SKAP1: variants seen among roughly 807,000 people sequenced by gnomAD.
The protein encoded by SKAP1 is src kinase associated phosphoprotein 1, also known as src kinase-associated phosphoprotein 1.
In SKAP1, 44 loss-of-function variants were observed where a neutral mutation model predicts 58.5. That is an observed-to-expected ratio of 0.75 (90% CI 0.59 to 0.97). The LOEUF is 0.97. Ranked by LOEUF, SKAP1 falls within the 50% of genes least tolerant of loss-of-function variation. The pLI is 0.00. For missense variants in SKAP1, 390 were observed against 435.2 expected (o/e 0.90, Z 0.92); for synonymous variants, 127 against 149.7 (o/e 0.85, Z 1.11).
intron 2 of SKAP1, among the ~76,000 whole-genome samples, chr17:48,393,516 C>CA (rs1373832509): frequency 1.3e-5 from 2 of 152,040 alleles, no homozygotes; most frequent in African/African-American, 4.8e-5. Context: ...CAAAAAATAG[C>CA]AAAAAGCACA....
At chr17:48,280,735 T>A (rs946938047) in intron 4 of SKAP1, among the ~76,000 whole-genome samples, 1 of 152,198 alleles carries the variant, frequency 6.6e-6, no homozygotes, top group African/African-American at 2.4e-5. Context: ...AGCTTTGACT[T>A]TTTAGGGATG....
chr17:48,347,296 C>G lies in SKAP1; in HGVS notation c.179-1290G>C, dbSNP rs1441102428. Among the ~76,000 whole-genome samples the G allele has an allele frequency of 2.0e-5, 3 of 152,162 alleles. No homozygotes were observed. The East Asian group carries it at 5.8e-4, about 29-fold the overall frequency. On this transcript the variant is annotated intron_variant, in intron 3 of 12. Coordinates refer to ENST00000336915, the MANE Select transcript of SKAP1 (RefSeq NM_003726.4). ...TAATTTCCAAAGGAAATCACCAATG[C>G]TAATCTCAGTAAATACTGTAGAGTT...
chr17:48,422,511 G>T (rs1212432346), intron 1 of SKAP1, among the ~76,000 whole-genome samples: 1 of 152,014 alleles, frequency 6.6e-6, no homozygotes, highest in African/African-American at 2.4e-5. Context: ...CTACAGATAG[G>T]TACCATTATT....
intron 4 of SKAP1, among the ~76,000 whole-genome samples, chr17:48,253,596 C>T (rs2065391203): frequency 6.6e-6 from 1 of 152,142 alleles, no homozygotes; most frequent in Admixed American, 6.5e-5. Context: ...CTACAGGATA[C>T]TTCTCTTAGG....
chr17:48,285,430 C>CA (rs1465390428), intron 4 of SKAP1, among the ~76,000 whole-genome samples: 1 of 152,166 alleles, frequency 6.6e-6, no homozygotes, highest in African/African-American at 2.4e-5. Flanking sequence ...GCCTGACCAA[C>CA]ATGGTGAAAA....
At chr17:48,347,360 C>T (rs1450098945) in intron 3 of SKAP1, among the ~76,000 whole-genome samples, 2 of 152,176 alleles carry the variant, frequency 1.3e-5, no homozygotes, top group Non-Finnish European at 2.9e-5. Flanking sequence ...TGAAACCAAA[C>T]AACCTACATA....
intron 4 of SKAP1, among the ~76,000 whole-genome samples, chr17:48,294,905 C>T (rs1395324869): frequency 6.6e-6 from 1 of 152,062 alleles, no homozygotes; most frequent in African/African-American, 2.4e-5. Flanking sequence ...CAGGAATGTC[C>T]CCATGGCTCA....
intron 4 of SKAP1, among the ~76,000 whole-genome samples, chr17:48,327,399 A>C (rs1487763898): frequency 6.6e-6 from 1 of 152,236 alleles, no homozygotes; most frequent in Non-Finnish European, 1.5e-5. Context: ...AGAGCAGAAA[A>C]TAAATCACGG....
At chr17:48,363,732 A>G in intron 3 of SKAP1, 57 bp downstream of exon 3, 1 of 1,460,972 alleles carries the variant, frequency 6.8e-7, no homozygotes, top group Non-Finnish European at 9.5e-7. Flanking sequence ...GACAGGAATA[A>G]ACAATCCCAT....
intron 4 of SKAP1, among the ~76,000 whole-genome samples, chr17:48,302,993 A>G (rs974617852): frequency 2.0e-5 from 3 of 152,374 alleles, no homozygotes; most frequent in Non-Finnish European, 4.4e-5. Context: ...ATCTTAAAAT[A>G]TAGAATTGCT....
intron 2 of SKAP1, among the ~76,000 whole-genome samples, chr17:48,365,671 T>C (rs188493344): frequency 1.3e-5 from 2 of 152,242 alleles, no homozygotes; most frequent in East Asian, 1.9e-4. Flanking sequence ...CTCAGAGCCA[T>C]TGCATATTAA....
intron 9 of SKAP1, among the ~76,000 whole-genome samples, chr17:48,172,748 G>A (rs1045952591): frequency 3.3e-5 from 5 of 152,114 alleles, no homozygotes; most frequent in African/African-American, 1.2e-4. Flanking sequence ...TAAATGTAAT[G>A]TTTATAGGGC....
At chr17:48,438,594 T>C in the SKAP1 span, among the ~76,000 whole-genome samples, 27 of 152,276 alleles carry the variant, frequency 1.8e-4, no homozygotes, top group Non-Finnish European at 1.0e-4. Flanking sequence ...CCCACCCACC[T>C]CCAGAGATTT....
chr17:48,376,909 G>A (rs1440891181), intron 2 of SKAP1, among the ~76,000 whole-genome samples: 1 of 152,142 alleles, frequency 6.6e-6, no homozygotes, highest in Non-Finnish European at 1.5e-5. Context: ...GGGAGGATTC[G>A]AGATCAGAGA....
At chr17:48,423,571 C>A (rs912928808) in intron 1 of SKAP1, among the ~76,000 whole-genome samples, 1 of 151,984 alleles carries the variant, frequency 6.6e-6, no homozygotes, top group Admixed American at 6.5e-5. Flanking sequence ...GCTAGCACAA[C>A]TGAGGAACCA....
chr17:48,334,179 GCAAA>G (rs966154956), intron 4 of SKAP1, among the ~76,000 whole-genome samples: 3 of 151,816 alleles, frequency 2.0e-5, no homozygotes, highest in Non-Finnish European at 4.4e-5. Context: ...TTAAACTTCT[GCAAA>G]CAATTTCTAT....
At chr17:48,142,980 A>AC (rs2063786314) in intron 11 of SKAP1, among the ~76,000 whole-genome samples, 1 of 145,756 alleles carries the variant, frequency 6.9e-6, no homozygotes, top group Admixed American at 6.9e-5. Flanking sequence ...TAAAAAAAAA[A>AC]CTTTTTTTTT....
chr17:48,252,029 CTG>C (rs916153034), intron 4 of SKAP1, among the ~76,000 whole-genome samples: 17 of 152,244 alleles, frequency 1.1e-4, no homozygotes, highest in African/African-American at 4.1e-4. Flanking sequence ...AAAAAAATAA[CTG>C]CACAGATTTT....
At chr17:48,188,205 C>T (rs1297927008) in intron 5 of SKAP1, among the ~76,000 whole-genome samples, 1 of 152,208 alleles carries the variant, frequency 6.6e-6, no homozygotes, top group African/African-American at 2.4e-5. Flanking sequence ...GTTCTAATCT[C>T]ATCCTGTACA....
Sources: gnomAD v4.1 joint callset for allele counts (sites outside exome capture counted in the v4.1 genomes callset) on GRCh38, gnomAD v4.1.1 for gene constraint, MANE v1.5 for transcripts, NCBI Gene and HGNC (gene_info 2026-07-23, HGNC 2026-07-21) for gene names.